RGL4: variants seen among roughly 807,000 people sequenced by gnomAD.
The protein encoded by RGL4 is ral-GDS-related protein.
Under a neutral mutation model 49.6 loss-of-function variants are expected in RGL4, and 41 were observed. The ratio of observed to expected loss-of-function variants is 0.83; its 90% CI spans 0.64 to 1.07. The LOEUF (loss-of-function observed/expected upper bound fraction) is 1.07. Ranked by LOEUF, RGL4 falls within the 50% of genes least tolerant of loss-of-function variation. RGL4 has a pLI of 0.00. For missense variants in RGL4, 610 were observed against 591.9 expected (o/e 1.03, Z -0.32); for synonymous variants, 255 against 238.0 (o/e 1.07, Z -0.66).
intron 1 of RGL4, 52 bp downstream of exon 1, chr22:23,692,261 C>A (rs533024721): frequency 1.2e-6 from 2 of 1,607,444 alleles, no homozygotes; most frequent in African/African-American, 1.3e-5. Context: ...GGACCCAGAA[C>A]CACGCAGGGG....
intron 4 of RGL4, 68 bp from the exon 5 acceptor site, chr22:23,694,279 G>A: frequency 8.2e-7 from 1 of 1,220,900 alleles, no homozygotes; most frequent in Non-Finnish European, 1.2e-6. Flanking sequence ...GATCTCAGCA[G>A]AGGGGGCTGA....
Position 23,698,826 on chromosome 22 carries a change from T to C in RGL4, c.1383-18T>C, listed in dbSNP as rs768899146. 7.5e-6 allele frequency: 12 copies of C among 1,607,052 alleles called. No individual in the cohort carries two copies. Among genetic ancestry groups the C allele is most frequent in the Non-Finnish European group, 1.0e-5 (12 of 1,176,778 alleles). On this transcript the variant is annotated intron_variant, in intron 10 of 10. Transcript: ENST00000290691. ...GTGTGGCTCATGGTGGCCTCACAGC[T>C]GCTTCTCTGTCCTGCAGCTACAAGC...
chr22:23,693,933 G>C lies in RGL4; in HGVS notation c.871G>C (p.Asp291His). ...CGGGGACCACAGCATGAGGGCCCGG[G>C]ACAGGGCCAGGGTGGTGGAGCACTG... is the stretch of plus-strand genomic sequence containing the variant. The part of the protein sequence containing the change: ...CLGDHSMRAR[D>H]RARVVEHWIK... Residue 291 changes from aspartate to histidine, a missense_variant, in exon 4 of 11, where the codon GAC (aspartate) becomes CAC (histidine). By Grantham distance (81) the Asp-to-His change is moderately conservative (BLOSUM62 -1). Coordinates refer to ENST00000290691, the MANE Select transcript of RGL4 (RefSeq NM_153615.2). 1 of 1,613,846 alleles carries C rather than the reference G, an allele frequency of 6.2e-7. No homozygotes were observed. Among genetic ancestry groups the C allele is most frequent in the Non-Finnish European group, 8.5e-7 (1 of 1,180,022 alleles).
rs760706237 is a variant in RGL4 at position 23,698,429 on chromosome 22, T to A, written c.1382+96T>A. The A allele has an allele frequency of 1.4e-5, 19 of 1,403,966 alleles. 1 individual carries two copies. The Admixed American group carries it at 3.2e-4, about 23-fold the overall frequency. The allele number at this position is 1,403,966 out of a possible 1,614,324, so 87.0% of individuals were successfully genotyped here. A position where few individuals can be genotyped will look rare whatever the true frequency, so the allele number is the denominator to read the frequency against. On this transcript the variant is annotated intron_variant, in intron 10 of 10. Coordinates refer to ENST00000290691, the MANE Select transcript of RGL4 (RefSeq NM_153615.2). ...CTGTCGCCCAGGCTGCACTGCAGTG[T>A]CACCATCTCTGTTCACTGCAACGTC...
chr22:23,692,659 C>A lies in RGL4; in HGVS notation c.374-10C>A. 1 of 1,583,864 alleles carries A rather than the reference C, an allele frequency of 6.3e-7. No homozygotes were observed. The stretch of plus-strand genomic sequence containing the variant: ...AATGACTGGTGTGGTGACCTTTTCT[C>A]CTTTTCCAGATCCTGCTCCACGTCC... On this transcript the variant is annotated splice_polypyrimidine_tract_variant and intron_variant, in intron 2 of 10. Transcript: ENST00000290691.
Position 23,699,129 on chromosome 22 carries a change from T to C in RGL4, c.*246T>C, listed in dbSNP as rs1181915165. On this transcript the variant is annotated 3_prime_UTR_variant, in exon 11 of 11. Transcript: ENST00000290691. ...TTTTCTTTAGTGTATAAGTAAGGGT[T>C]TTTTCTTAACTTTCGTTAAAATAAA... The C allele has an allele frequency of 4.1e-6, 6 of 1,477,622 alleles. No homozygotes were observed. In the East Asian group the frequency reaches 1.3e-4, roughly 32 times the overall value. The allele number at this position is 1,477,622 out of a possible 1,614,324, so 91.5% of individuals were successfully genotyped here. A position where few individuals can be genotyped will look rare whatever the true frequency, so the allele number is the denominator to read the frequency against.
At chr22:23,692,233 C>G (rs751822754) in intron 1 of RGL4, 24 bp downstream of exon 1, 2 of 1,609,694 alleles carry the variant, frequency 1.2e-6, no homozygotes, top group Admixed American at 3.3e-5. Flanking sequence ...GTCCTCCACA[C>G]TGGCAGCAAC....
intron 10 of RGL4, 136 bp downstream of exon 10, chr22:23,698,469 A>G: frequency 9.5e-7 from 1 of 1,055,468 alleles, no homozygotes; most frequent in South Asian, 1.3e-5. Flanking sequence ...TTCTGGGCTC[A>G]AGTCCTTCCT....
Position 23,694,403 on chromosome 22 carries a change from C to T in RGL4, c.969C>T (p.Cys323=), listed in dbSNP as rs1015540184. The change falls in exon 5 of 11, where the codon TGC becomes TGT. Residue 323 remains cysteine, a synonymous_variant. Coordinates refer to ENST00000290691, the MANE Select transcript of RGL4 (RefSeq NM_153615.2). ...TGCACGTCATCGTCTCTGCTCTGTGCAGCAACCCAATAGGTCAGCTACACA... is the reference window on the plus strand; with the variant it reads ...TGCACGTCATCGTCTCTGCTCTGTGTAGCAACCCAATAGGTCAGCTACACA... The part of the protein sequence containing the change: ...SSVHVIVSAL[C]SNPIGQLHKT... 1.2e-6 allele frequency: 2 copies of T among 1,613,906 alleles called. No homozygotes were observed. Among genetic ancestry groups the T allele is most frequent in the Non-Finnish European group, 1.7e-6 (2 of 1,179,922 alleles).
Position 23,693,747 on chromosome 22 carries a change from C to T in RGL4, c.697-12C>T. The T allele has an allele frequency of 6.2e-7, 1 of 1,608,554 alleles. No homozygotes were observed. The highest frequency in any genetic ancestry group is 8.5e-7 in the Non-Finnish European group (1 of 1,175,100). ...TGTGCTGTGTCCGTGACACTCTCCT[C>T]CTCCCCCAAAGGAGCTGTTCAAGAA... is the stretch of plus-strand genomic sequence containing the variant. On this transcript the variant is annotated splice_polypyrimidine_tract_variant and intron_variant, in intron 3 of 10. Transcript: ENST00000290691.
In RGL4 at chr22:23,694,461, C is replaced by T. The variant is rs773676071; in HGVS notation, c.1016+11C>T. ...GGCAGGAGTGTCCAGGTGAGGAGGG[C>T]TCTCTCCATGGCAGCATCAGGGTTG... On this transcript the variant is annotated intron_variant, in intron 5 of 10. Transcript: ENST00000290691. 1.1e-5 allele frequency: 17 copies of T among 1,582,024 alleles called. No homozygotes were observed. Among genetic ancestry groups the T allele is most frequent in the Non-Finnish European group, 1.5e-5 (17 of 1,151,564 alleles).
Position 23,695,103 on chromosome 22 carries a change from C to G in RGL4, c.1086+84C>G, listed in dbSNP as rs555817496. The G allele has an allele frequency of 1.6e-4, 168 of 1,053,184 alleles. No individual in the cohort carries two copies. The African/African-American group carries it at 1.9e-3, about 12-fold the overall frequency. The allele number at this position is 1,053,184 out of a possible 1,614,324, so 65.2% of individuals were successfully genotyped here. A position where few individuals can be genotyped will look rare whatever the true frequency, so the allele number is the denominator to read the frequency against. ...TTTGGAAGGGCATTGGACCAGGTGT[C>G]GAGTGGTTATTTTGTTTGGTTTTGA... On this transcript the variant is annotated intron_variant, in intron 6 of 10. Transcript: ENST00000290691.
Position 23,698,948 on chromosome 22 carries a change from C to G in RGL4, c.*65C>G. ...GCTGGCCAGAACACCGGCTCTGCAC[C>G]ATCCCTCACCCAGACCGTAGACACC... On this transcript the variant is annotated 3_prime_UTR_variant, in exon 11 of 11. Transcript: ENST00000290691. 6.3e-7 allele frequency: 1 copy of G among 1,591,754 alleles called. No individual in the cohort carries two copies. Among genetic ancestry groups the G allele is most frequent in the Non-Finnish European group, 8.6e-7 (1 of 1,168,928 alleles).
chr22:23,693,973 G>A lies in RGL4; in HGVS notation c.911G>A (p.Arg304Lys). ...GTGGAGCACTGGATCAAGGTGGCCAGGGTAAGCTATGGTTGGGCCTGGGGA... is the reference window on the plus strand; with the variant it reads ...GTGGAGCACTGGATCAAGGTGGCCAAGGTAAGCTATGGTTGGGCCTGGGGA... ...RVVEHWIKVA[R>K]ECLSLNNFSS... The change falls in exon 4 of 11, where the codon AGG becomes AAG. Residue 304 changes from arginine (R) to lysine (K), a missense_variant and splice_region_variant. Physicochemically the swap from Arg to Lys is conservative, Grantham distance 26. Coordinates refer to ENST00000290691, the MANE Select transcript of RGL4 (RefSeq NM_153615.2). 6.2e-7 allele frequency: 1 copy of A among 1,613,392 alleles called. No homozygotes were observed.
Position 23,699,080 on chromosome 22 carries a change from A to G in RGL4, c.*197A>G. On this transcript the variant is annotated 3_prime_UTR_variant, in exon 11 of 11. Coordinates refer to ENST00000290691, the MANE Select transcript of RGL4 (RefSeq NM_153615.2). ...TCAGGCCATGGGACTTTTGTGAGTCAGGCGGGAGACCATTTTATGTTTATT... is the reference window on the plus strand; with the variant it reads ...TCAGGCCATGGGACTTTTGTGAGTCGGGCGGGAGACCATTTTATGTTTATT... 1 of 1,540,598 alleles carries G rather than the reference A, an allele frequency of 6.5e-7. No individual in the cohort carries two copies. Among genetic ancestry groups the G allele is most frequent in the Non-Finnish European group, 8.7e-7 (1 of 1,145,856 alleles).
At position 23,692,762 on chromosome 22, in the gene RGL4, C is replaced by A. The variant is rs142201654; in HGVS notation, c.467C>A (p.Pro156Gln). 60 of 1,613,504 alleles carry A rather than the reference C, an allele frequency of 3.7e-5. No individual in the cohort carries two copies. In the African/African-American group the frequency reaches 7.2e-4, roughly 19 times the overall value. ...LLADLGPALE[P>Q]ESPAALGPPG... ...GCGGACCTGGGGCCTGCTCTGGAGC[C>A]AGAGTCACCTGCAGCCCTGGGTCCA... Residue 156 changes from proline to glutamine, a missense_variant, in exon 3 of 11, where the codon CCA (proline) becomes CAA (glutamine). Transcript: ENST00000290691.
chr22:23,694,709 C>G, intron 5 of RGL4: 2 of 593,156 alleles, frequency 3.4e-6, no homozygotes, highest in South Asian at 2.0e-5. Context: ...CAGTGGAACT[C>G]TGTGTCCAGC....
rs570720030 is a variant in RGL4 at position 23,691,940 on chromosome 22, G to A, written c.-91G>A. Reference sequence around the variant, plus strand: ...TGAGAGACCCATCCCCCTCAGCACCGTGGCTTCCCAGCTCTCCCTGTCCTC... The same window carrying A: ...TGAGAGACCCATCCCCCTCAGCACCATGGCTTCCCAGCTCTCCCTGTCCTC... On this transcript the variant is annotated 5_prime_UTR_variant, in exon 1 of 11. It adds an upstream start codon to the 5' untranslated region. Transcript: ENST00000290691. The A allele has an allele frequency of 8.4e-5, 119 of 1,409,864 alleles. No homozygotes were observed. The highest frequency in any genetic ancestry group is 1.4e-4 in the South Asian group (11 of 77,806). The allele number at this position is 1,409,864 out of a possible 1,614,324, so 87.3% of individuals were successfully genotyped here.
chr22:23,697,876 C>T lies in RGL4; in HGVS notation c.1260+15C>T, dbSNP rs761038889. On this transcript the variant is annotated intron_variant, in intron 9 of 10. Coordinates refer to ENST00000290691, the MANE Select transcript of RGL4 (RefSeq NM_153615.2). ...AGAGGAGCAAGGTGAGCAGCTGGGG[C>T]ACTCACGTTGGATGAGGGTGGGGAT... The T allele has an allele frequency of 3.1e-6, 5 of 1,603,778 alleles. No homozygotes were observed. The highest frequency in any genetic ancestry group is 2.6e-6 in the Non-Finnish European group (3 of 1,176,126).
Sources: allele counts gnomAD v4.1 joint callset, GRCh38; gene constraint gnomAD v4.1.1; transcripts MANE v1.5; gene names NCBI Gene and HGNC (gene_info 2026-07-23, HGNC 2026-07-21).